Variants in GALNT11 observed in about 807,000 individuals in gnomAD.
The protein encoded by GALNT11 is UDP-GalNAc:polypeptide N-acetylgalactosaminyltransferase 11.
A neutral mutation model predicts 72.7 loss-of-function variants in GALNT11; 47 were observed. The ratio of observed to expected loss-of-function variants is 0.65; its 90% CI spans 0.51 to 0.82. The LOEUF (loss-of-function observed/expected upper bound fraction) is 0.82. Among genes scored for constraint, GALNT11 ranks in the 40% least tolerant of loss-of-function variants. GALNT11 has a pLI of 0.00. For synonymous variants in GALNT11, 270 were observed against 286.6 expected (o/e 0.94, Z 0.58); for missense variants, 677 against 778.4 (o/e 0.87, Z 1.55).
chr7:152,100,747 A>G, intron 2 of GALNT11, 51 bp from the exon 3 acceptor site: 1 of 1,598,800 alleles, frequency 6.3e-7, no homozygotes, highest in Non-Finnish European at 8.5e-7. Context: ...CGTTAACAGT[A>G]ACATGATACT....
chr7:152,112,718 G>A (rs934862408), intron 7 of GALNT11, among the ~76,000 whole-genome samples: 3 of 151,960 alleles, frequency 2.0e-5, no homozygotes, highest in Admixed American at 6.6e-5. Context: ...AAGTAATTCA[G>A]ATAGTCAAGG....
chr7:152,096,119 A>G (rs1175497347), intron 2 of GALNT11, among the ~76,000 whole-genome samples: 1 of 152,232 alleles, frequency 6.6e-6, no homozygotes, highest in Non-Finnish European at 1.5e-5. Context: ...AAAGAAATCA[A>G]AGTAAACCTA....
Position 152,113,315 on chromosome 7 carries a change from C to G in GALNT11, c.1150C>G (p.Arg384Gly), listed in dbSNP as rs1336550413. 2.5e-6 allele frequency: 4 copies of G among 1,613,894 alleles called. No homozygotes were observed. The highest frequency in any genetic ancestry group is 3.3e-5 in the Admixed American group (2 of 59,982). The change falls in exon 8 of 12, where the codon CGA (arginine) becomes GGA (glycine). Residue 384 changes from arginine to glycine, a missense_variant. Arg to Gly is a moderately radical substitution (Grantham distance 125). Transcript: ENST00000430044. ...AGTAGGACACATTTTCCGAAAAAGG[C>G]GACCATATGGATCTCCCGAAGGCCA... ...SRVGHIFRKR[R>G]PYGSPEGQDT...
intron 1 of GALNT11, among the ~76,000 whole-genome samples, chr7:152,081,418 T>G (rs1483880366): frequency 1.3e-5 from 2 of 152,180 alleles, no homozygotes; most frequent in Admixed American, 6.5e-5. Flanking sequence ...GAATGTAAAT[T>G]GGGTGAGCTG....
intron 1 of GALNT11, among the ~76,000 whole-genome samples, chr7:152,085,956 C>G (rs545006257): frequency 6.6e-6 from 1 of 151,172 alleles, no homozygotes; most frequent in Non-Finnish European, 1.5e-5. Context: ...AGTGCAACCT[C>G]GGCTCACTGC....
chr7:152,109,738 A>C (rs150539738), intron 6 of GALNT11, among the ~76,000 whole-genome samples: 12 of 152,218 alleles, frequency 7.9e-5, no homozygotes, highest in Admixed American at 7.9e-4. Context: ...ATAGAAATAC[A>C]TTCATACCTG....
At chr7:152,112,857 TGA>T (rs1268748176) in intron 7 of GALNT11, among the ~76,000 whole-genome samples, 1 of 151,868 alleles carries the variant, frequency 6.6e-6, no homozygotes, top group Admixed American at 6.6e-5. Context: ...GAAACTAAAA[TGA>T]GAGAACAGGT....
chr7:152,057,427 C>G (rs2152045280), intron 1 of GALNT11, among the ~76,000 whole-genome samples: 1 of 151,762 alleles, frequency 6.6e-6, no homozygotes, highest in South Asian at 2.1e-4. Context: ...TTGTCTCAGC[C>G]TCCTAAGTAG....
intron 1 of GALNT11, among the ~76,000 whole-genome samples, chr7:152,058,910 C>T (rs1050551455): frequency 8.5e-5 from 13 of 152,180 alleles, no homozygotes; most frequent in Non-Finnish European, 1.5e-4. Flanking sequence ...GTCTCTATTT[C>T]TAATTCTGGT....
In GALNT11 at chr7:152,094,449, C is replaced by A. The variant is rs780944967; in HGVS notation, c.222C>A (p.Asn74Lys). ...TGCTCGAGCCACAGTTCAAAGCAAA[C>A]AAAATTGACGATGTGATAGACAGTC... ...SRVLEPQFKA[N>K]KIDDVIDSRV... is the part of the protein sequence containing the mutation. Residue 74 changes from asparagine (N) to lysine (K), a missense_variant, in exon 2 of 12, where the codon AAC (asparagine) becomes AAA (lysine). Physicochemically the swap from Asn to Lys is moderately conservative, Grantham distance 94. Transcript: ENST00000430044. The surrounding 1 kb of genome is among the most constrained non-coding windows in gnomAD (Gnocchi z 4.3). The A allele has an allele frequency of 6.2e-7, 1 of 1,614,094 alleles. No homozygotes were observed. Among genetic ancestry groups the A allele is most frequent in the South Asian group, 1.1e-5 (1 of 91,066 alleles).
intron 1 of GALNT11, among the ~76,000 whole-genome samples, chr7:152,069,238 T>C (rs553751396): frequency 6.6e-6 from 1 of 152,352 alleles, no homozygotes; most frequent in South Asian, 2.1e-4. Context: ...TGGGGGATTT[T>C]CCAGATATCT....
At chr7:152,039,533 C>T (rs949735348) in intron 1 of GALNT11, among the ~76,000 whole-genome samples, 2 of 152,284 alleles carry the variant, frequency 1.3e-5, no homozygotes, top group South Asian at 2.1e-4. Context: ...TCCCGCTTTC[C>T]TCAGGTTTTC....
At chr7:152,045,115 T>C (rs144500304) in intron 1 of GALNT11, among the ~76,000 whole-genome samples, 1,757 of 152,254 alleles carry the variant, frequency 0.012, 36 homozygotes, top group African/African-American at 0.041. Context: ...GAACCATCCT[T>C]GCATCCCTGG....
rs777311994 is a variant in GALNT11 at position 152,105,308 on chromosome 7, T to C, written c.650T>C (p.Ile217Thr). The C allele has an allele frequency of 6.2e-7, 1 of 1,613,990 alleles. No homozygotes were observed. The highest frequency in any genetic ancestry group is 8.5e-7 in the Non-Finnish European group (1 of 1,179,968). The part of the protein sequence containing the change: ...QKYLPGKIKV[I>T]RNTKREGLIR... ...TACCTCCCTGGAAAAATTAAAGTCA[T>C]AAGAAATACAAAGCGTGAGGGGTTG... is the stretch of plus-strand genomic sequence containing the variant. The change falls in exon 5 of 12, where the codon ATA becomes ACA. Residue 217 changes from isoleucine (I) to threonine (T), a missense_variant. Coordinates refer to ENST00000430044, the MANE Select transcript of GALNT11 (RefSeq NM_022087.4).
At chr7:152,105,132 C>A in intron 4 of GALNT11, 113 bp from the exon 5 acceptor site, 1 of 1,121,346 alleles carries the variant, frequency 8.9e-7, no homozygotes, top group Non-Finnish European at 1.2e-6. Flanking sequence ...GTAGTATTTG[C>A]TTGATAGTTT....
chr7:152,121,905 G>A lies in GALNT11; in HGVS notation c.*228G>A. On this transcript the variant is annotated 3_prime_UTR_variant, in exon 12 of 12. Transcript: ENST00000430044. ...GAAGTGAGTGTCCACGGGTGAAGAA[G>A]TGAGTATGTTTCACCTGGACATTAA... 1 of 465,656 alleles carries A rather than the reference G, an allele frequency of 2.1e-6. No homozygotes were observed. The allele number at this position is 465,656 out of a possible 1,614,324, so 28.8% of individuals were successfully genotyped here.
rs778736942 is a variant in GALNT11 at position 152,094,340 on chromosome 7, A to C, written c.113A>C (p.Lys38Thr). The C allele has an allele frequency of 8.1e-6, 13 of 1,614,200 alleles. No homozygotes were observed. The Admixed American group carries it at 2.2e-4, about 27-fold the overall frequency. The part of the protein sequence containing the change: ...FNFSEVTQPL[K>T]NVPVKGSGPH... ...TTCAGTGAAGTGACTCAGCCACTTA[A>C]GAATGTGCCCGTCAAGGGGTCTGGG... Residue 38 changes from lysine to threonine, a missense_variant, in exon 2 of 12, where the codon AAG becomes ACG. Coordinates refer to ENST00000430044, the MANE Select transcript of GALNT11 (RefSeq NM_022087.4). This position sits in a 1 kb window ranked among gnomAD's most constrained non-coding sequence, Gnocchi z 4.3.
At chr7:152,059,978 T>C (rs1231997009) in intron 1 of GALNT11, among the ~76,000 whole-genome samples, 1 of 152,246 alleles carries the variant, frequency 6.6e-6, no homozygotes, top group Non-Finnish European at 1.5e-5. Context: ...TTCCAATAGA[T>C]GGCTGTTTAG....
At chr7:152,100,556 C>A (rs1198254732) in intron 2 of GALNT11, among the ~76,000 whole-genome samples, 2 of 149,360 alleles carry the variant, frequency 1.3e-5, no homozygotes, top group African/African-American at 4.9e-5. Context: ...CAGAGGGAAA[C>A]TCCATCTCAA....
Sources: gnomAD v4.1 joint callset for allele counts (sites outside exome capture counted in the v4.1 genomes callset) on GRCh38, gnomAD v4.1.1 for gene constraint, Gnocchi (gnomAD v3.1) non-coding constraint, MANE v1.5 for transcripts, NCBI Gene and HGNC (gene_info 2026-07-23, HGNC 2026-07-21) for gene names.